The following FAM219A variants were observed in gnomAD, a reference collection of about 807,000 sequenced individuals.
FAM219A encodes the protein family with sequence similarity 219 member A.
In FAM219A, 7 loss-of-function variants were observed where a neutral mutation model predicts 23.4. The ratio of observed to expected loss-of-function variants is 0.30; its 90% CI spans 0.17 to 0.56. The LOEUF (loss-of-function observed/expected upper bound fraction) is 0.56. Among genes scored for constraint, FAM219A ranks in the 20% least tolerant of loss-of-function variants. The pLI is 0.92. For missense variants in FAM219A, 166 were observed against 246.9 expected (o/e 0.67, Z 2.20); for synonymous variants, 93 against 99.0 (o/e 0.94, Z 0.36).
At chr9:34,439,446 C>G (rs1823078017) in intron 1 of FAM219A, among the ~76,000 whole-genome samples, 1 of 152,152 alleles carries the variant, frequency 6.6e-6, no homozygotes, top group Non-Finnish European at 1.5e-5. Flanking sequence ...AAAAATGAAT[C>G]TGGTTTCATG....
chr9:34,416,468 A>G (rs1314763716), intron 1 of FAM219A, among the ~76,000 whole-genome samples: 1 of 152,188 alleles, frequency 6.6e-6, no homozygotes, highest in Non-Finnish European at 1.5e-5. Context: ...TTTAAAGAAC[A>G]TAGTATATTT....
chr9:34,424,449 A>G (rs1485497183), intron 1 of FAM219A, among the ~76,000 whole-genome samples: 1 of 151,828 alleles, frequency 6.6e-6, no homozygotes, highest in Non-Finnish European at 1.5e-5. Flanking sequence ...AGTGTGGGCA[A>G]GGGGTGGGCT....
intron 1 of FAM219A, among the ~76,000 whole-genome samples, chr9:34,431,701 C>A (rs1257204452): frequency 1.3e-5 from 2 of 151,964 alleles, no homozygotes; most frequent in Non-Finnish European, 2.9e-5. Context: ...ATATTGAGAC[C>A]CCCTCTCTAA....
At chr9:34,403,809 A>C (rs1360887471) in intron 2 of FAM219A, among the ~76,000 whole-genome samples, 2 of 152,248 alleles carry the variant, frequency 1.3e-5, no homozygotes, top group Non-Finnish European at 2.9e-5. Context: ...AAGGATGGGA[A>C]GGACCTTTAC....
At chr9:34,455,934 T>TG (rs1823715366) in intron 1 of FAM219A, among the ~76,000 whole-genome samples, 1 of 152,214 alleles carries the variant, frequency 6.6e-6, no homozygotes, top group Admixed American at 6.5e-5. Flanking sequence ...AGCTCACTCT[T>TG]GTAATCCTAG....
chr9:34,453,009 T>C (rs4879791), intron 1 of FAM219A, among the ~76,000 whole-genome samples: 27,531 of 152,086 alleles, frequency 0.18, 2,707 homozygotes, highest in East Asian at 0.33. Context: ...ACTTGGTGTT[T>C]GTTTGATGAG....
intron 1 of FAM219A, among the ~76,000 whole-genome samples, chr9:34,418,311 G>A (rs925628948): frequency 3.3e-5 from 5 of 152,116 alleles, no homozygotes; most frequent in African/African-American, 9.7e-5. Flanking sequence ...GGACAAGACT[G>A]ATGTCTTAGA....
chr9:34,400,667 CCAG>C lies in FAM219A; in HGVS notation c.*294_*296del. The stretch of plus-strand genomic sequence containing the variant: ...CCTGCCGTCCAGTCTTCTCTCTTGG[CCAG>C]CCCTGGGAAGCGGGGCAGGGTGCTG... On this transcript the variant is annotated 3_prime_UTR_variant, in exon 6 of 6. Coordinates refer to ENST00000651358, the MANE Select transcript of FAM219A (RefSeq NM_001184940.2). The C allele has an allele frequency of 3.4e-6, 1 of 292,276 alleles. No individual in the cohort carries two copies. Among genetic ancestry groups the C allele is most frequent in the East Asian group, 5.9e-5 (1 of 16,828 alleles). 18.1% of individuals were successfully genotyped at this position (292,276 alleles called of 1,614,324 possible).
At position 34,458,182 on chromosome 9, in the gene FAM219A, TGCCCGCC is replaced by T; in HGVS notation, c.60+15_60+21del. On this transcript the variant is annotated intron_variant, in intron 1 of 5. Coordinates refer to ENST00000651358, the MANE Select transcript of FAM219A (RefSeq NM_001184940.2). The surrounding 1 kb of genome is among the most constrained non-coding windows in gnomAD (Gnocchi z 6.6). ...AGCGACGCCCCCTCCGGCCTTGGCC[TGCCCGCC>T]GCCCGCCCCCTCACCAGCGGCTGCA... 6.4e-7 allele frequency: 1 copy of T among 1,573,864 alleles called. No individual in the cohort carries two copies. Among genetic ancestry groups the T allele is most frequent in the Non-Finnish European group, 8.6e-7 (1 of 1,165,912 alleles).
intron 1 of FAM219A, among the ~76,000 whole-genome samples, chr9:34,407,401 G>A (rs1031664565): frequency 1.3e-5 from 2 of 152,118 alleles, no homozygotes; most frequent in Admixed American, 1.3e-4. Flanking sequence ...GTTTTATTAT[G>A]GAAATTATAA....
intron 1 of FAM219A, among the ~76,000 whole-genome samples, chr9:34,454,998 T>TCAG (rs1018628581): frequency 3.3e-5 from 5 of 152,206 alleles, no homozygotes; most frequent in Admixed American, 1.3e-4. Flanking sequence ...GCTTAATGAG[T>TCAG]CAGCCCCTAC....
intron 1 of FAM219A, among the ~76,000 whole-genome samples, chr9:34,438,775 G>T (rs1192196096): frequency 6.6e-6 from 1 of 152,168 alleles, no homozygotes; most frequent in Non-Finnish European, 1.5e-5. Flanking sequence ...ACAGACCACT[G>T]GGCTCTACCA....
chr9:34,419,865 T>C (rs376127742), intron 1 of FAM219A, among the ~76,000 whole-genome samples: 2 of 152,200 alleles, frequency 1.3e-5, no homozygotes, highest in African/African-American at 4.8e-5. Flanking sequence ...TTGTCTGCAA[T>C]GGACAATGGA....
intron 1 of FAM219A, among the ~76,000 whole-genome samples, chr9:34,448,994 G>GAAA (rs55976326): frequency 0.16 from 22,267 of 142,034 alleles, 1,784 homozygotes; most frequent in African/African-American, 0.18. Flanking sequence ...AAAACTATCG[G>GAAA]AAAAAAAAAA....
intron 1 of FAM219A, among the ~76,000 whole-genome samples, chr9:34,444,799 T>A (rs1293335191): frequency 6.6e-6 from 1 of 152,192 alleles, no homozygotes; most frequent in African/African-American, 2.4e-5. Flanking sequence ...TTACCTGACA[T>A]CCACAAGAGA....
intron 1 of FAM219A, among the ~76,000 whole-genome samples, chr9:34,439,823 T>C (rs1371909999): frequency 6.6e-6 from 1 of 152,166 alleles, no homozygotes; most frequent in Non-Finnish European, 1.5e-5. Flanking sequence ...GTTAGGGTTA[T>C]ACTAAGGATT....
chr9:34,443,444 A>T (rs925130561), intron 1 of FAM219A, among the ~76,000 whole-genome samples: 1 of 151,886 alleles, frequency 6.6e-6, no homozygotes, highest in African/African-American at 2.4e-5. Context: ...GAGGCCAAAG[A>T]CTCTTCTCAT....
intron 1 of FAM219A, among the ~76,000 whole-genome samples, chr9:34,411,689 AAAAAGAAAG>A (rs1458866308): frequency 5.1e-4 from 68 of 132,290 alleles, no homozygotes; most frequent in African/African-American, 2.2e-3. Context: ...AAAAAAAAAA[AAAAAGAAAG>A]AAAGAAAGAA....
chr9:34,445,566 G>A (rs1823337769), intron 1 of FAM219A, among the ~76,000 whole-genome samples: 1 of 152,174 alleles, frequency 6.6e-6, no homozygotes, highest in Non-Finnish European at 1.5e-5. Flanking sequence ...GAAGGACATG[G>A]CTGGACTTAC....
Sources: gnomAD v4.1 joint callset for allele counts (sites outside exome capture counted in the v4.1 genomes callset) on GRCh38, gnomAD v4.1.1 for gene constraint, Gnocchi (gnomAD v3.1) non-coding constraint, MANE v1.5 for transcripts, NCBI Gene and HGNC (gene_info 2026-07-23, HGNC 2026-07-21) for gene names.